The following CA10 variants were observed in gnomAD, a reference collection of about 807,000 sequenced individuals.
CA10 encodes the protein carbonic anhydrase-related protein 10.
In CA10, 14 loss-of-function variants were observed where a neutral mutation model predicts 44.2. That is an observed-to-expected ratio of 0.32 (90% CI 0.21 to 0.50). The LOEUF (loss-of-function observed/expected upper bound fraction) is 0.50. Among genes scored for constraint, CA10 ranks in the 20% least tolerant of loss-of-function variants. CA10 has a pLI of 0.99. For synonymous variants in CA10, 159 were observed against 141.6 expected, an observed-to-expected ratio of 1.12 and a Z score of -0.87; for missense variants, 350 against 409.7, an observed-to-expected ratio of 0.85 and a Z score of 1.26.
intron 4 of CA10, among the ~76,000 whole-genome samples, chr17:51,690,939 A>G (rs1350656058): frequency 6.6e-6 from 1 of 152,038 alleles, no homozygotes; most frequent in Non-Finnish European, 1.5e-5. Flanking sequence ...GTAGTATTCC[A>G]TTGTGTATAT....
intron 3 of CA10, among the ~76,000 whole-genome samples, chr17:51,884,015 G>A (rs1393098672): frequency 1.3e-5 from 2 of 152,126 alleles, no homozygotes. Context: ...TCATGCTCAA[G>A]AGAAACCCTT....
intron 3 of CA10, among the ~76,000 whole-genome samples, chr17:51,880,444 G>A (rs577768613): frequency 6.6e-4 from 101 of 152,074 alleles, no homozygotes; most frequent in African/African-American, 2.2e-3. Flanking sequence ...TAGATGGGAC[G>A]GCATGTGCCA....
chr17:51,707,727 C>A (rs1400246179), intron 4 of CA10, among the ~76,000 whole-genome samples: 1 of 134,836 alleles, frequency 7.4e-6, no homozygotes, highest in East Asian at 2.4e-4. Flanking sequence ...TATCCTTAAT[C>A]AAGAAAATGG....
chr17:51,765,605 C>G (rs545219136), intron 3 of CA10, among the ~76,000 whole-genome samples: 1 of 152,070 alleles, frequency 6.6e-6, no homozygotes, highest in South Asian at 2.1e-4. Context: ...ATGCAGCGAT[C>G]TCCATTTTAG....
At chr17:51,875,296 G>A (rs1236165453) in intron 3 of CA10, among the ~76,000 whole-genome samples, 3 of 152,100 alleles carry the variant, frequency 2.0e-5, no homozygotes, top group Non-Finnish European at 4.4e-5. Context: ...TGGGTATGAG[G>A]CACTGTGCCC....
At chr17:51,636,247 A>G (rs1912822635) in intron 6 of CA10, among the ~76,000 whole-genome samples, 1 of 152,170 alleles carries the variant, frequency 6.6e-6, no homozygotes, top group African/African-American at 2.4e-5. Context: ...TTTCTTGCTC[A>G]CACACATGAT....
intron 1 of CA10, among the ~76,000 whole-genome samples, chr17:52,121,917 C>A (rs1249823220): frequency 7.9e-5 from 12 of 152,188 alleles, no homozygotes; most frequent in African/African-American, 2.2e-4. Flanking sequence ...TCGTCCCCAA[C>A]CTCTGGTGCA....
At position 51,804,035 on chromosome 17, in the gene CA10, A is replaced by G. The variant is rs2143724280; in HGVS notation, c.280-56217T>C. Among the ~76,000 whole-genome samples the G allele has an allele frequency of 2.6e-5, 4 of 152,292 alleles. No individual in the cohort carries two copies. In the South Asian group the frequency reaches 8.3e-4, roughly 32 times the overall value. On this transcript the variant is annotated intron_variant, in intron 3 of 8. Coordinates refer to ENST00000451037, the MANE Select transcript of CA10 (RefSeq NM_020178.5). ...AACCTCTCTATCCCCCAGTTTCTTCATATTAATTAGTGTCCATCTCATAGA... is the reference window on the plus strand; with the variant it reads ...AACCTCTCTATCCCCCAGTTTCTTCGTATTAATTAGTGTCCATCTCATAGA...
chr17:51,872,890 T>A (rs1285331034), intron 3 of CA10, among the ~76,000 whole-genome samples: 2 of 152,126 alleles, frequency 1.3e-5, no homozygotes, highest in African/African-American at 4.8e-5. Flanking sequence ...TCCACACCAG[T>A]TAGCCAAAAG....
chr17:51,870,629 T>C (rs1231568669), intron 3 of CA10, among the ~76,000 whole-genome samples: 1 of 152,244 alleles, frequency 6.6e-6, no homozygotes, highest in Non-Finnish European at 1.5e-5. Context: ...TTATTATATA[T>C]GAGCACTTAT....
At chr17:52,044,859 C>T (rs142835858) in intron 2 of CA10, among the ~76,000 whole-genome samples, 1 of 151,100 alleles carries the variant, frequency 6.6e-6, no homozygotes, top group African/African-American at 2.4e-5. Context: ...ATATGTATAA[C>T]TAGAATCCCA....
At chr17:52,120,319 C>T (rs1988985749) in intron 1 of CA10, among the ~76,000 whole-genome samples, 1 of 152,136 alleles carries the variant, frequency 6.6e-6, no homozygotes, top group Non-Finnish European at 1.5e-5. Flanking sequence ...TTACCAGGGA[C>T]CCTTATATAG....
At position 51,685,247 on chromosome 17, in the gene CA10, G is replaced by A. The variant is rs143886259; in HGVS notation, c.466-31511C>T. On this transcript the variant is annotated intron_variant, in intron 4 of 8. Transcript: ENST00000451037. ...ATTTTTGGAGGCTATGAATGATGGG[G>A]AAGATGGCATGAAGACCCAGATTTG... Among the ~76,000 whole-genome samples, 86 of 152,314 alleles carry A rather than the reference G, an allele frequency of 5.6e-4. 1 individual carries two copies. Among genetic ancestry groups the A allele is most frequent in the African/African-American group, 7.5e-4 (31 of 41,574 alleles).
At chr17:51,689,148 G>A (rs1915105088) in intron 4 of CA10, among the ~76,000 whole-genome samples, 2 of 152,128 alleles carry the variant, frequency 1.3e-5, no homozygotes, top group Non-Finnish European at 2.9e-5. Context: ...ACTTATGTTG[G>A]CCTCCCTAGT....
intron 4 of CA10, among the ~76,000 whole-genome samples, chr17:51,727,930 T>C (rs4793720): frequency 0.65 from 99,201 of 151,870 alleles, 32,603 homozygotes; most frequent in Admixed American, 0.73. Flanking sequence ...CTGTCACCTA[T>C]GCTGGAATGC....
chr17:51,952,504 A>G (rs1983522288), intron 2 of CA10, among the ~76,000 whole-genome samples: 1 of 152,022 alleles, frequency 6.6e-6, no homozygotes, highest in Non-Finnish European at 1.5e-5. Flanking sequence ...GCAATAAGCC[A>G]GTATCATGCC....
intron 6 of CA10, among the ~76,000 whole-genome samples, chr17:51,641,226 T>C (rs1913074949): frequency 6.6e-6 from 1 of 151,958 alleles, no homozygotes; most frequent in South Asian, 2.1e-4. Flanking sequence ...AAATAGCTTA[T>C]AAAGGGCAAA....
At chr17:52,033,491 G>A (rs115475595) in intron 2 of CA10, among the ~76,000 whole-genome samples, 1,635 of 149,904 alleles carry the variant, frequency 0.011, 31 homozygotes, top group African/African-American at 0.038. Context: ...TTATCATAGC[G>A]AAAAATTAGA....
intron 8 of CA10, 27 bp downstream of exon 8, chr17:51,633,449 C>T (rs770560713): frequency 2.1e-4 from 329 of 1,601,576 alleles, no homozygotes; most frequent in Non-Finnish European, 2.7e-4. Context: ...AGCCTAGATC[C>T]TCCACTCTCT....
Sources: allele counts gnomAD v4.1 joint callset (sites outside exome capture counted in the v4.1 genomes callset), GRCh38; gene constraint gnomAD v4.1.1; transcripts MANE v1.5; gene names NCBI Gene and HGNC (gene_info 2026-07-23, HGNC 2026-07-21).